The following RIMS1 variants were observed in gnomAD, a reference collection of about 807,000 sequenced individuals.
RIMS1 encodes regulating synaptic membrane exocytosis 1.
A neutral mutation model predicts 214.1 loss-of-function variants in RIMS1; 83 were observed. The ratio of observed to expected loss-of-function variants is 0.39; its 90% CI spans 0.32 to 0.47. The LOEUF (loss-of-function observed/expected upper bound fraction) is 0.47, where lower values mean the gene tolerates loss of function less well. Among genes scored for constraint, RIMS1 ranks in the 20% least tolerant of loss-of-function variants. The pLI, the probability that RIMS1 is intolerant of heterozygous loss-of-function variation, is 0.99. For synonymous variants in RIMS1, 793 were observed against 786.8 expected (o/e 1.01, Z -0.13); for missense variants, 2,050 against 2,161.8 (o/e 0.95, Z 1.03).
At chr6:72,310,031 A>G (rs1413808117) in intron 27 of RIMS1, among the ~76,000 whole-genome samples, 1 of 152,132 alleles carries the variant, frequency 6.6e-6, no homozygotes, top group Non-Finnish European at 1.5e-5. Flanking sequence ...GCTATAATTA[A>G]GAGCCAGTAT....
intron 2 of RIMS1, among the ~76,000 whole-genome samples, chr6:71,981,577 G>A (rs1173923622): frequency 6.6e-6 from 1 of 152,074 alleles, no homozygotes; most frequent in East Asian, 1.9e-4. Flanking sequence ...TCATAGAAAA[G>A]ATGAAAGTTG....
intron 28 of RIMS1, among the ~76,000 whole-genome samples, chr6:72,327,504 A>G: frequency 6.6e-6 from 1 of 151,856 alleles, no homozygotes; most frequent in East Asian, 1.9e-4. Context: ...GTGTGGATAT[A>G]TATTTTCGAT....
intron 6 of RIMS1, among the ~76,000 whole-genome samples, chr6:72,200,854 C>T (rs995601274): frequency 2.2e-4 from 22 of 101,586 alleles, no homozygotes; most frequent in African/African-American, 6.7e-4. Context: ...TGAAAGGACA[C>T]AATTGTGTGT....
At chr6:72,318,789 G>C (rs1016782550) in intron 28 of RIMS1, among the ~76,000 whole-genome samples, 5 of 152,102 alleles carry the variant, frequency 3.3e-5, no homozygotes, top group Non-Finnish European at 5.9e-5. Flanking sequence ...GACCTGAAAG[G>C]TTTCCAAAGA....
intron 2 of RIMS1, among the ~76,000 whole-genome samples, chr6:72,037,435 G>A (rs1368942667): frequency 6.6e-6 from 1 of 152,048 alleles, no homozygotes; most frequent in Non-Finnish European, 1.5e-5. Context: ...AGAGCCCAAA[G>A]GGTTAAAGTT....
intron 29 of RIMS1, among the ~76,000 whole-genome samples, chr6:72,356,161 C>T (rs947479697): frequency 6.6e-5 from 10 of 152,242 alleles, no homozygotes; most frequent in East Asian, 1.9e-4. Context: ...CTGACCTTAA[C>T]GGTATCTTTA....
At chr6:72,114,417 C>G (rs995495479) in intron 4 of RIMS1, among the ~76,000 whole-genome samples, 12 of 151,762 alleles carry the variant, frequency 7.9e-5, no homozygotes, top group Non-Finnish European at 1.8e-4. Context: ...GGTTGAAAAT[C>G]CAGGGCACAT....
intron 6 of RIMS1, among the ~76,000 whole-genome samples, chr6:72,193,697 A>G (rs776666537): frequency 2.0e-5 from 3 of 152,228 alleles, no homozygotes; most frequent in East Asian, 3.8e-4. Context: ...AAATAAAAGT[A>G]TCTACCTCAT....
chr6:72,135,220 A>C (rs990787915), intron 4 of RIMS1, among the ~76,000 whole-genome samples: 20 of 152,212 alleles, frequency 1.3e-4, no homozygotes, highest in African/African-American at 4.6e-4. Context: ...AATAAAAGCA[A>C]ACCACATGTC....
chr6:72,166,272 A>G (rs1013636868), intron 4 of RIMS1, among the ~76,000 whole-genome samples: 7 of 151,368 alleles, frequency 4.6e-5, no homozygotes, highest in African/African-American at 1.7e-4. Flanking sequence ...ACAGAGAGAA[A>G]GAGAGACAGA....
At chr6:72,018,545 T>C (rs1813501438) in intron 2 of RIMS1, among the ~76,000 whole-genome samples, 1 of 152,178 alleles carries the variant, frequency 6.6e-6, no homozygotes, top group African/African-American at 2.4e-5. Flanking sequence ...ATGTCTGAGC[T>C]GGATAAATAT....
At chr6:72,063,481 A>C (rs1395686553) in intron 2 of RIMS1, among the ~76,000 whole-genome samples, 1 of 152,250 alleles carries the variant, frequency 6.6e-6, no homozygotes, top group Non-Finnish European at 1.5e-5. Context: ...GGAGTAGCAG[A>C]TGTTAACCAG....
chr6:72,218,886 A>G (rs554667515), intron 6 of RIMS1, among the ~76,000 whole-genome samples: 2 of 152,326 alleles, frequency 1.3e-5, no homozygotes, highest in East Asian at 3.9e-4. Flanking sequence ...TGAATTCCAT[A>G]GAAGTTTGTC....
At chr6:71,974,730 A>G (rs1274612613) in intron 2 of RIMS1, among the ~76,000 whole-genome samples, 2 of 152,214 alleles carry the variant, frequency 1.3e-5, no homozygotes, top group African/African-American at 4.8e-5. Context: ...AAGAGAGCTA[A>G]TTTAGGCACT....
At chr6:72,322,290 A>G (rs1436602726) in intron 28 of RIMS1, among the ~76,000 whole-genome samples, 1 of 152,114 alleles carries the variant, frequency 6.6e-6, no homozygotes, top group East Asian at 1.9e-4. Flanking sequence ...GGACCATCTC[A>G]GGTCTGCCAT....
intron 6 of RIMS1, among the ~76,000 whole-genome samples, chr6:72,209,900 CAAAAAAA>C (rs200401100): frequency 5.2e-5 from 6 of 115,882 alleles, no homozygotes; most frequent in African/African-American, 8.5e-5. Context: ...GACTCTGTCT[CAAAAAAA>C]AAAAAAAAAA....
Position 71,886,956 on chromosome 6 carries a change from A to G in RIMS1, c.-68A>G. The stretch of plus-strand genomic sequence containing the variant: ...CGCTGTGAGGGGGAAGCAGGGGCGC[A>G]GCTGCTGGGCGTGCATCCGAAAGGT... On this transcript the variant is annotated 5_prime_UTR_variant, in exon 1 of 34. Transcript: ENST00000521978. 1.3e-6 allele frequency: 2 copies of G among 1,548,524 alleles called. No homozygotes were observed. Among genetic ancestry groups the G allele is most frequent in the Admixed American group, 1.8e-5 (1 of 55,444 alleles).
intron 29 of RIMS1, among the ~76,000 whole-genome samples, chr6:72,349,021 A>G (rs781135681): frequency 1.5e-4 from 23 of 151,444 alleles, no homozygotes; most frequent in African/African-American, 4.4e-4. Context: ...AGGCTTGTGA[A>G]CAAAGGATCT....
rs2098169233 is a variant in RIMS1, at chr6:72,370,124, A to G, written c.4367-20474A>G. On this transcript the variant is annotated intron_variant, in intron 29 of 33. Transcript: ENST00000521978. ...TGCTACACTTTCTCCCTGGTTTTCC[A>G]AGATTTCCAGTGGGGCAGGGAACAC... 2.6e-5 allele frequency among the ~76,000 whole-genome samples: 4 copies of G among 152,220 alleles called. No individual in the cohort carries two copies. In the South Asian group the frequency reaches 6.2e-4, roughly 24 times the overall value.
Sources: gnomAD v4.1 joint callset for allele counts (sites outside exome capture counted in the v4.1 genomes callset) on GRCh38, gnomAD v4.1.1 for gene constraint, MANE v1.5 for transcripts, NCBI Gene and HGNC (gene_info 2026-07-23, HGNC 2026-07-21) for gene names.